Variants in PREX2 observed in about 807,000 individuals in gnomAD.
PREX2 encodes the protein phosphatidylinositol 3,4,5-trisphosphate-dependent Rac exchanger 2 protein.
A neutral mutation model predicts 203.2 loss-of-function variants in PREX2; 107 were observed. The ratio of observed to expected loss-of-function variants is 0.53; its 90% confidence interval spans 0.45 to 0.62. The LOEUF (loss-of-function observed/expected upper bound fraction) is 0.62, where lower values mean the gene tolerates loss of function less well. Ranked by LOEUF, PREX2 falls within the 20% of genes least tolerant of loss-of-function variation. The pLI is 0.00. For missense variants in PREX2, 1,777 were observed against 1,955.9 expected (o/e 0.91, Z 1.72); for synonymous variants, 672 against 663.6 (o/e 1.01, Z -0.19).
chr8:67,980,603 C>G (rs952268353), intron 1 of PREX2, among the ~76,000 whole-genome samples: 2 of 152,168 alleles, frequency 1.3e-5, no homozygotes, highest in Non-Finnish European at 2.9e-5. Context: ...GGCTGTGCCT[C>G]CACCCAAATA....
intron 1 of PREX2, among the ~76,000 whole-genome samples, chr8:68,003,669 G>A (rs13266014): frequency 0.11 from 16,865 of 151,972 alleles, 954 homozygotes; most frequent in South Asian, 0.16. Flanking sequence ...TTATTCAGTT[G>A]GGAAAAAGTC....
In PREX2 at chr8:68,118,589, C is replaced by G. The variant is rs754699596; in HGVS notation, c.3366C>G (p.Thr1122=). 6.2e-7 allele frequency: 1 copy of G among 1,614,100 alleles called. No individual in the cohort carries two copies. The highest frequency in any genetic ancestry group is 8.5e-7 in the Non-Finnish European group (1 of 1,179,968). The stretch of plus-strand genomic sequence containing the variant: ...ATAGGAATTCCATCGCCTCCTTCAC[C>G]AGCATCTGCAGCAGCCAGTGCAGCT... ...NSNRNSIASF[T]SICSSQCSSY... Residue 1122 remains threonine (T), a synonymous_variant, in exon 27 of 40, where the codon ACC becomes ACG. Transcript: ENST00000288368.
intron 35 of PREX2, among the ~76,000 whole-genome samples, chr8:68,168,798 T>A (rs1443241817): frequency 6.6e-6 from 1 of 152,236 alleles, no homozygotes; most frequent in African/African-American, 2.4e-5. Context: ...AAAGTCACCC[T>A]GAGGTGTCAG....
intron 4 of PREX2, among the ~76,000 whole-genome samples, chr8:68,023,838 T>C (rs1807637557): frequency 1.3e-5 from 2 of 152,128 alleles, no homozygotes; most frequent in South Asian, 2.1e-4. Flanking sequence ...TCCTGTGATC[T>C]AAATTTATGT....
chr8:68,142,025 G>T (rs994841087), intron 33 of PREX2, among the ~76,000 whole-genome samples: 4 of 152,062 alleles, frequency 2.6e-5, no homozygotes, highest in African/African-American at 9.7e-5. Context: ...AAGGTACAGA[G>T]ATTTTCCATA....
chr8:67,954,967 A>G (rs1378135819), intron 1 of PREX2, among the ~76,000 whole-genome samples: 1 of 151,736 alleles, frequency 6.6e-6, no homozygotes, highest in Non-Finnish European at 1.5e-5. Context: ...ACATGGTGAA[A>G]CCCCGTCTCT....
chr8:68,193,844 G>A (rs146441424), intron 37 of PREX2, among the ~76,000 whole-genome samples: 4 of 152,128 alleles, frequency 2.6e-5, no homozygotes, highest in South Asian at 2.1e-4. Flanking sequence ...TCTCCATCTG[G>A]GAAACTCCAT....
chr8:68,017,836 T>C lies in PREX2; in HGVS notation c.142-10T>C, dbSNP rs747346499. On this transcript the variant is annotated splice_polypyrimidine_tract_variant and intron_variant, in intron 1 of 39. Coordinates refer to ENST00000288368, the MANE Select transcript of PREX2 (RefSeq NM_024870.4). The stretch of plus-strand genomic sequence containing the variant: ...ATGTTACCTTCATAATGTCTTCTTG[T>C]TTCATGCAGGCATTCTTACACAGAA... The C allele has an allele frequency of 1.2e-5, 20 of 1,609,436 alleles. No individual in the cohort carries two copies. The Admixed American group carries it at 2.0e-4, about 16-fold the overall frequency.
At position 68,061,186 on chromosome 8, in the gene PREX2, C is replaced by G. The variant is rs529863270; in HGVS notation, c.1339+407C>G. Among the ~76,000 whole-genome samples the G allele has an allele frequency of 2.0e-5, 3 of 152,294 alleles. No homozygotes were observed. In the East Asian group the frequency reaches 5.8e-4, roughly 29 times the overall value. ...CCACCCGGAGGAAATAACAGCACTC[C>G]GGCACGGTGGCGGGTGAGTTTGTGG... On this transcript the variant is annotated intron_variant, in intron 11 of 39. Coordinates refer to ENST00000288368, the MANE Select transcript of PREX2 (RefSeq NM_024870.4).
At chr8:68,218,886 G>A (rs2129615350) in intron 38 of PREX2, among the ~76,000 whole-genome samples, 1 of 152,322 alleles carries the variant, frequency 6.6e-6, no homozygotes. Flanking sequence ...AGAAGCATGT[G>A]ACATACTGTG....
intron 20 of PREX2, 73 bp downstream of exon 20, chr8:68,090,788 G>A (rs1809848394): frequency 1.5e-6 from 2 of 1,301,664 alleles, no homozygotes. Flanking sequence ...AGGTGGGATA[G>A]TGCCAGAGAT....
At chr8:68,024,122 T>A (rs758229588) in intron 4 of PREX2, among the ~76,000 whole-genome samples, 5 of 152,062 alleles carry the variant, frequency 3.3e-5, no homozygotes, top group Non-Finnish European at 7.4e-5. Flanking sequence ...ATGTTCTTTC[T>A]TATGTTTAGT....
intron 23 of PREX2, chr8:68,103,800 C>T (rs1296738744): frequency 6.0e-6 from 3 of 503,030 alleles, no homozygotes; most frequent in East Asian, 5.5e-5. Context: ...GTGGGGGCTC[C>T]TCTGTGGTAT....
intron 1 of PREX2, among the ~76,000 whole-genome samples, chr8:67,960,963 A>T (rs1250630392): frequency 6.7e-6 from 1 of 150,262 alleles, no homozygotes; most frequent in Non-Finnish European, 1.5e-5. Context: ...TATTACATCT[A>T]GTATGAATAG....
chr8:67,981,475 A>G (rs1806268737), intron 1 of PREX2, among the ~76,000 whole-genome samples: 1 of 152,254 alleles, frequency 6.6e-6, no homozygotes, highest in African/African-American at 2.4e-5. Context: ...GAGGGGAGAC[A>G]ATAACCACTA....
chr8:68,081,140 C>T lies in PREX2; in HGVS notation c.1878+302C>T, dbSNP rs368447437. Among the ~76,000 whole-genome samples, 26 of 152,108 alleles carry T rather than the reference C, an allele frequency of 1.7e-4. No homozygotes were observed. In the East Asian group the frequency reaches 3.5e-3, roughly 20 times the overall value. ...TTGTGGAAGACAATTTTTCCACAGGCGGAGGGTGGGGGATGGTTTTGGGAT... is the reference window on the plus strand; with the variant it reads ...TTGTGGAAGACAATTTTTCCACAGGTGGAGGGTGGGGGATGGTTTTGGGAT... On this transcript the variant is annotated intron_variant, in intron 17 of 39. Coordinates refer to ENST00000288368, the MANE Select transcript of PREX2 (RefSeq NM_024870.4).
At chr8:68,101,219 A>G (rs933172025) in intron 23 of PREX2, among the ~76,000 whole-genome samples, 46 of 152,152 alleles carry the variant, frequency 3.0e-4, no homozygotes, top group African/African-American at 1.0e-3. Context: ...ATATATGTCT[A>G]TATTTGGCTG....
intron 25 of PREX2, among the ~76,000 whole-genome samples, chr8:68,111,540 A>G (rs968535823): frequency 6.6e-6 from 1 of 152,288 alleles, no homozygotes; most frequent in South Asian, 2.1e-4. Flanking sequence ...AAACTACTTA[A>G]AATGATTGTT....
chr8:68,078,831 A>G (rs951301223), intron 15 of PREX2, among the ~76,000 whole-genome samples: 2 of 152,142 alleles, frequency 1.3e-5, no homozygotes, highest in Non-Finnish European at 2.9e-5. Flanking sequence ...CTAAGCGTTT[A>G]TTATAAAATA....
Sources: allele counts gnomAD v4.1 joint callset (sites outside exome capture counted in the v4.1 genomes callset), GRCh38; gene constraint gnomAD v4.1.1; transcripts MANE v1.5; gene names NCBI Gene and HGNC (gene_info 2026-07-23, HGNC 2026-07-21).